LAMA2: variants seen among roughly 807,000 people sequenced by gnomAD.
The protein encoded by LAMA2 is laminin subunit alpha-2.
A neutral mutation model predicts 364.8 loss-of-function variants in LAMA2; 269 were observed. The ratio of observed to expected loss-of-function variants is 0.74; its 90% CI spans 0.67 to 0.82. The LOEUF (loss-of-function observed/expected upper bound fraction) is 0.82, where lower values mean the gene tolerates loss of function less well. LAMA2 is among the 40% of genes least tolerant of loss of function. LAMA2 has a pLI of 0.00. For synonymous variants in LAMA2, 1,379 were observed against 1,370.6 expected (o/e 1.01, Z -0.14); for missense variants, 3,807 against 3,873.2 (o/e 0.98, Z 0.45).
At chr6:129,116,325 T>C (rs1776479974) in intron 4 of LAMA2, among the ~76,000 whole-genome samples, 2 of 152,152 alleles carry the variant, frequency 1.3e-5, no homozygotes, top group Non-Finnish European at 2.9e-5. Context: ...CAAAATGTTT[T>C]TAGAATTTTT....
intron 4 of LAMA2, among the ~76,000 whole-genome samples, chr6:129,128,547 TG>T (rs546117849): frequency 1.6e-3 from 243 of 152,340 alleles, no homozygotes; most frequent in African/African-American, 5.6e-3. Context: ...ATCAAAATCT[TG>T]ATAGTGGTTG....
intron 5 of LAMA2, among the ~76,000 whole-genome samples, chr6:129,146,344 G>GT (rs1778429562): frequency 6.6e-6 from 1 of 151,892 alleles, no homozygotes; most frequent in South Asian, 2.1e-4. Flanking sequence ...AAAATAATTA[G>GT]TAACATAGCT....
chr6:129,355,295 T>C (rs1562488542), intron 32 of LAMA2, among the ~76,000 whole-genome samples: 1 of 152,156 alleles, frequency 6.6e-6, no homozygotes, highest in Non-Finnish European at 1.5e-5. Flanking sequence ...TTACACAGAG[T>C]ATCTTTAGAC....
At chr6:129,226,304 T>C (rs1290693161) in intron 12 of LAMA2, among the ~76,000 whole-genome samples, 2 of 152,306 alleles carry the variant, frequency 1.3e-5, no homozygotes, top group Non-Finnish European at 2.9e-5. Flanking sequence ...CCAGTCTGTG[T>C]CTTTTAATTA....
At chr6:128,966,988 C>T (rs560875411) in intron 1 of LAMA2, among the ~76,000 whole-genome samples, 134 of 152,282 alleles carry the variant, frequency 8.8e-4, no homozygotes, top group Non-Finnish European at 1.1e-3. Flanking sequence ...GTCCAAATTT[C>T]AGTGACTCAA....
At chr6:128,975,850 C>T (rs1333242355) in intron 1 of LAMA2, among the ~76,000 whole-genome samples, 1 of 152,186 alleles carries the variant, frequency 6.6e-6, no homozygotes. Flanking sequence ...ATAAATTACC[C>T]TGTCTTGGGT....
chr6:129,204,986 T>C (rs1303291079), intron 12 of LAMA2, among the ~76,000 whole-genome samples: 2 of 152,082 alleles, frequency 1.3e-5, no homozygotes, highest in East Asian at 1.9e-4. Context: ...TTCTAACATA[T>C]AGGAAAGTCA....
At chr6:129,312,702 A>C (rs1343892845) in intron 22 of LAMA2, among the ~76,000 whole-genome samples, 159 bp from the exon 23 acceptor site, 1 of 152,190 alleles carries the variant, frequency 6.6e-6, no homozygotes, top group Non-Finnish European at 1.5e-5. Flanking sequence ...GTTTATGTTC[A>C]CTGATGTTTC....
chr6:129,314,398 C>CA (rs3062342), intron 23 of LAMA2, among the ~76,000 whole-genome samples: 825 of 81,820 alleles, frequency 0.01, 43 homozygotes, highest in Middle Eastern at 0.043. Context: ...GACTCCGTCT[C>CA]AAAAAAAAAA....
intron 9 of LAMA2, among the ~76,000 whole-genome samples, chr6:129,167,203 C>T (rs1185384682): frequency 6.6e-6 from 1 of 151,762 alleles, no homozygotes; most frequent in Non-Finnish European, 1.5e-5. Flanking sequence ...GGTACATGTG[C>T]ACAATGTGCA....
intron 9 of LAMA2, among the ~76,000 whole-genome samples, chr6:129,170,017 A>G (rs181387850): frequency 6.6e-6 from 1 of 151,372 alleles, no homozygotes; most frequent in African/African-American, 2.5e-5. Context: ...TATCCCCTTT[A>G]TCATTTTTTA....
At chr6:129,126,481 A>C (rs1777122167) in intron 4 of LAMA2, among the ~76,000 whole-genome samples, 1 of 152,170 alleles carries the variant, frequency 6.6e-6, no homozygotes, top group Non-Finnish European at 1.5e-5. Flanking sequence ...ATGGGGAGGA[A>C]ACTAATATGA....
intron 4 of LAMA2, among the ~76,000 whole-genome samples, chr6:129,132,891 A>G (rs568981658): frequency 6.6e-6 from 1 of 152,326 alleles, no homozygotes; most frequent in East Asian, 1.9e-4. Context: ...TAGAGAGATT[A>G]AGTAAATTGT....
chr6:129,359,790 T>C (rs958312620), intron 32 of LAMA2, among the ~76,000 whole-genome samples: 1 of 152,132 alleles, frequency 6.6e-6, no homozygotes, highest in African/African-American at 2.4e-5. Flanking sequence ...TCATTTTAGC[T>C]TCAGCTTCTT....
At chr6:129,063,023 A>C (rs955291772) in intron 3 of LAMA2, among the ~76,000 whole-genome samples, 3 of 151,594 alleles carry the variant, frequency 2.0e-5, no homozygotes. Context: ...GTTCTTAGAT[A>C]CGTATTACTA....
intron 1 of LAMA2, among the ~76,000 whole-genome samples, chr6:128,917,017 T>C (rs553350940): frequency 1.3e-5 from 2 of 152,242 alleles, no homozygotes; most frequent in South Asian, 4.1e-4. Flanking sequence ...ACATTTGTTT[T>C]TATTCCACCA....
At chr6:129,046,461 T>A (rs1246471556) in intron 1 of LAMA2, among the ~76,000 whole-genome samples, 1 of 152,104 alleles carries the variant, frequency 6.6e-6, no homozygotes, top group Admixed American at 6.5e-5. Flanking sequence ...CTTTATAAAA[T>A]CGCCAGATAT....
In LAMA2 at chr6:128,987,003, A is replaced by G. The variant is rs948858714; in HGVS notation, c.113-62915A>G. Among the ~76,000 whole-genome samples, 5 of 151,926 alleles carry G rather than the reference A, an allele frequency of 3.3e-5. No individual in the cohort carries two copies. The East Asian group carries it at 9.6e-4, about 29-fold the overall frequency. On this transcript the variant is annotated intron_variant, in intron 1 of 64. Coordinates refer to ENST00000421865, the MANE Select transcript of LAMA2 (RefSeq NM_000426.4). ...TGTTAGAAATATTATATATATAAAT[A>G]GTTTGTTTAAACAGTCCGCTTAAGA...
At chr6:129,062,485 C>T (rs1490766717) in intron 3 of LAMA2, among the ~76,000 whole-genome samples, 1 of 152,066 alleles carries the variant, frequency 6.6e-6, no homozygotes, top group Admixed American at 6.6e-5. Flanking sequence ...AGAAATATTG[C>T]ACTATCTTCT....
Sources: allele counts gnomAD v4.1 joint callset (sites outside exome capture counted in the v4.1 genomes callset), GRCh38; gene constraint gnomAD v4.1.1; transcripts MANE v1.5; gene names NCBI Gene and HGNC (gene_info 2026-07-23, HGNC 2026-07-21).